The following BCAS1 variants were observed in gnomAD, a reference collection of about 807,000 sequenced individuals.
BCAS1 encodes the protein brain enriched myelin associated protein 1.
A neutral mutation model predicts 65.4 loss-of-function variants in BCAS1; 46 were observed. That is an observed-to-expected ratio of 0.70 (90% CI 0.55 to 0.90). The LOEUF (loss-of-function observed/expected upper bound fraction) is 0.90, where lower values mean the gene tolerates loss of function less well. Ranked by LOEUF, BCAS1 falls within the 40% of genes least tolerant of loss-of-function variation. The pLI is 0.00. For synonymous variants in BCAS1, 298 were observed against 293.5 expected (o/e 1.02, Z -0.16); for missense variants, 793 against 771.2 (o/e 1.03, Z -0.33).
intron 4 of BCAS1, among the ~76,000 whole-genome samples, chr20:54,003,030 C>T (rs990022623): frequency 1.3e-5 from 2 of 152,114 alleles, no homozygotes; most frequent in Non-Finnish European, 2.9e-5. Context: ...TATTCACCTC[C>T]CAGCTCCACT....
intron 3 of BCAS1, among the ~76,000 whole-genome samples, chr20:54,049,444 CAGGCATTTTTAT>C (rs1311880532): frequency 9.9e-5 from 15 of 152,084 alleles, no homozygotes; most frequent in African/African-American, 3.4e-4. Flanking sequence ...GGCCAAAAAT[CAGGCATTTTTAT>C]TTCTCCAAAG....
intron 4 of BCAS1, among the ~76,000 whole-genome samples, chr20:54,027,520 T>A (rs1039991892): frequency 1.6e-4 from 25 of 152,252 alleles, no homozygotes; most frequent in African/African-American, 5.5e-4. Flanking sequence ...TGAAGTCTGC[T>A]AGTGGCACTT....
chr20:53,998,452 A>G (rs1023029769), intron 4 of BCAS1, among the ~76,000 whole-genome samples: 15 of 152,230 alleles, frequency 9.9e-5, no homozygotes, highest in Non-Finnish European at 2.1e-4. Flanking sequence ...AAGTGGGAGC[A>G]GGCACAGCAC....
chr20:54,057,195 T>G (rs79629073), intron 3 of BCAS1, among the ~76,000 whole-genome samples: 121 of 152,350 alleles, frequency 7.9e-4, no homozygotes, highest in Non-Finnish European at 1.4e-3. Flanking sequence ...ACTGCCCTCA[T>G]GTGGACACAA....
intron 5 of BCAS1, 26 bp downstream of exon 5, chr20:53,995,866 G>A (rs746157838): frequency 1.8e-5 from 28 of 1,570,764 alleles, no homozygotes; most frequent in Admixed American, 3.7e-5. Context: ...ATAGAGTGGA[G>A]GGGAAAAGAG....
rs576641005 is a variant in BCAS1 at position 53,997,368 on chromosome 20, G to A, written c.724-1318C>T. Among the ~76,000 whole-genome samples the A allele has an allele frequency of 4.6e-5, 7 of 152,310 alleles. No individual in the cohort carries two copies. The East Asian group carries it at 5.8e-4, about 13-fold the overall frequency. On this transcript the variant is annotated intron_variant, in intron 4 of 12. Transcript: ENST00000688948. The stretch of plus-strand genomic sequence containing the variant: ...CCAGCATAAATTCTCATGTGACAAA[G>A]TAGTACAGAAACTTCCCATTGCAAC...
intron 3 of BCAS1, among the ~76,000 whole-genome samples, chr20:54,032,594 G>C (rs1471541032): frequency 1.3e-5 from 2 of 151,258 alleles, no homozygotes; most frequent in Non-Finnish European, 3.0e-5. Flanking sequence ...CCTATGCAGT[G>C]ACACACATAG....
intron 10 of BCAS1, among the ~76,000 whole-genome samples, chr20:53,959,398 C>T (rs999858135): frequency 2.6e-5 from 4 of 152,068 alleles, no homozygotes; most frequent in African/African-American, 7.2e-5. Flanking sequence ...GGACTACAGG[C>T]GCCTGCCAAC....
chr20:54,069,542 C>T (rs983704540), intron 1 of BCAS1, among the ~76,000 whole-genome samples: 7 of 152,226 alleles, frequency 4.6e-5, no homozygotes, highest in African/African-American at 1.7e-4. Flanking sequence ...TCCACAGCAT[C>T]CTTTCCATGA....
intron 2 of BCAS1, among the ~76,000 whole-genome samples, 193 bp from the exon 3 acceptor site, chr20:54,058,347 G>A (rs1288924811): frequency 6.6e-6 from 1 of 152,162 alleles, no homozygotes; most frequent in Non-Finnish European, 1.5e-5. Context: ...GTGGACTCCA[G>A]TTATTATGAG....
chr20:53,962,928 G>A (rs2089922200), intron 10 of BCAS1, among the ~76,000 whole-genome samples: 1 of 152,048 alleles, frequency 6.6e-6, no homozygotes, highest in Non-Finnish European at 1.5e-5. Flanking sequence ...TCAGCTCACT[G>A]CAAGCTCTGC....
chr20:54,019,476 T>A (rs142889182), intron 4 of BCAS1, among the ~76,000 whole-genome samples: 19 of 152,310 alleles, frequency 1.2e-4, no homozygotes, highest in African/African-American at 4.3e-4. Flanking sequence ...ACAGACCAAC[T>A]TGGAAAGTAC....
Position 53,995,048 on chromosome 20 carries a change from A to G in BCAS1, c.891T>C (p.Pro297=). 2.5e-6 allele frequency: 4 copies of G among 1,613,220 alleles called. No individual in the cohort carries two copies. Among genetic ancestry groups the G allele is most frequent in the Non-Finnish European group, 3.4e-6 (4 of 1,179,430 alleles). The change falls in exon 6 of 13, where the codon CCT becomes CCC. Residue 297 remains proline (P), a synonymous_variant. Transcript: ENST00000688948. Reference sequence around the variant, plus strand: ...GGTCCTTTTTTGTTTCAGCTTTGTTAGGTGAAACCTTAAAAGTTTGAGAAA... The same window carrying G: ...GGTCCTTTTTTGTTTCAGCTTTGTTGGGTGAAACCTTAAAAGTTTGAGAAA... ...IMSFFKTLVS[P]NKAETKKDPE...
Position 53,953,493 on chromosome 20 carries a change from T to C in BCAS1, c.1754A>G (p.Asp585Gly), listed in dbSNP as rs774051463. ...CTTCTCAGGTCTCTTTTGGAGCTTG[T>C]CCCCATTCTGCAGTGAGTTCGTGTC... ...TVDTNSLQNG[D>G]KLQKRPEKRQ... is the part of the protein sequence containing the mutation. The change falls in exon 12 of 13, where the codon GAC (aspartate) becomes GGC (glycine). Residue 585 changes from aspartate to glycine, a missense_variant. Transcript: ENST00000688948. 6.2e-7 allele frequency: 1 copy of C among 1,613,884 alleles called. No individual in the cohort carries two copies. Among genetic ancestry groups the C allele is most frequent in the Non-Finnish European group, 8.5e-7 (1 of 1,180,000 alleles).
At chr20:53,972,349 G>A (rs1209632217) in intron 9 of BCAS1, among the ~76,000 whole-genome samples, 1 of 152,168 alleles carries the variant, frequency 6.6e-6, no homozygotes, top group South Asian at 2.1e-4. Context: ...GCTGTGAGCT[G>A]TATCATTTCA....
At chr20:54,012,195 T>C (rs886168212) in intron 4 of BCAS1, among the ~76,000 whole-genome samples, 1 of 152,092 alleles carries the variant, frequency 6.6e-6, no homozygotes, top group Non-Finnish European at 1.5e-5. Context: ...CTTGAAATAA[T>C]AAAGCTATAG....
chr20:53,996,985 T>C (rs2090932716), intron 4 of BCAS1, among the ~76,000 whole-genome samples: 1 of 152,272 alleles, frequency 6.6e-6, no homozygotes, highest in African/African-American at 2.4e-5. Context: ...GTTTGAAACA[T>C]TCTGCTCCTC....
In BCAS1 at chr20:53,985,446, GTTGGCT is replaced by G. The variant is rs746591575; in HGVS notation, c.1110_1115del (p.Lys370_Ala371del). The stretch of plus-strand genomic sequence containing the variant: ...CCCCTTGGGTCTCCTGGGATGTAAA[GTTGGCT>G]TTGTCTGACTTAAGGTCAGCTGAAG... On this transcript the variant is annotated inframe_deletion, in exon 8 of 13. Transcript: ENST00000688948. The G allele has an allele frequency of 7.4e-6, 12 of 1,613,918 alleles. No individual in the cohort carries two copies. The African/African-American group carries it at 1.3e-4, about 18-fold the overall frequency.
chr20:54,065,079 C>A (rs542567364), intron 1 of BCAS1, among the ~76,000 whole-genome samples: 2 of 152,178 alleles, frequency 1.3e-5, no homozygotes, highest in East Asian at 3.9e-4. Flanking sequence ...GTTCGACTGA[C>A]AATATTTCAA....
Sources: allele counts gnomAD v4.1 joint callset (sites outside exome capture counted in the v4.1 genomes callset), GRCh38; gene constraint gnomAD v4.1.1; transcripts MANE v1.5; gene names NCBI Gene and HGNC (gene_info 2026-07-23, HGNC 2026-07-21).